OR51L1: variants seen among roughly 807,000 people sequenced by gnomAD.
The protein encoded by OR51L1 is olfactory receptor 51L1.
OR51L1 carries 1 observed loss-of-function variant against 1.4 expected under a neutral mutation model. The ratio of observed to expected loss-of-function variants is 0.72; its 90% CI spans 0.26 to 3.42. The LOEUF (loss-of-function observed/expected upper bound fraction) is 3.42. Ranked by LOEUF, OR51L1 falls within the 30% of genes most tolerant of loss-of-function variation. The pLI is 0.20. For synonymous variants in OR51L1, 156 were observed against 144.2 expected (o/e 1.08, Z -0.59); for missense variants, 378 against 380.0 (o/e 0.99, Z 0.04).
chr11:4,999,381 CT>C lies in OR51L1; in HGVS notation c.400del (p.Tyr134ThrfsTer9), dbSNP rs750340820. On this transcript the variant is annotated frameshift_variant, in exon 3 of 3. Transcript: ENST00000641819. LOFTEE classifies it low-confidence loss of function (END_TRUNC). ...RFVAICHPLH[Y>X]PTILTNSVIG... Reference sequence around the variant, plus strand: ...TTGTTGCTATCTGCCATCCACTGCACTACCCCACCATCCTCACCAACAGTGT... The same window carrying C: ...TTGTTGCTATCTGCCATCCACTGCACACCCCACCATCCTCACCAACAGTGT... 39 of 1,614,054 alleles carry C rather than the reference CT, an allele frequency of 2.4e-5. No individual in the cohort carries two copies. Among genetic ancestry groups the C allele is most frequent in the Non-Finnish European group, 3.4e-6 (4 of 1,180,042 alleles).
At position 5,003,902 on chromosome 11, in the gene OR51L1, C is replaced by T. The variant is rs1289298249; in HGVS notation, c.*3972C>T. ...TAATTAAGTCCAACTTATAAATTTG[C>T]TTTTATGTTTAGTGCTTTTGTGTAT... On this transcript the variant is annotated 3_prime_UTR_variant, in exon 3 of 3. Coordinates refer to ENST00000641819, the MANE Select transcript of OR51L1 (RefSeq NM_001004755.2). The T allele has an allele frequency of 6.6e-6, 1 of 152,014 alleles. No homozygotes were observed. The highest frequency in any genetic ancestry group is 1.9e-4 in the East Asian group (1 of 5,176). The allele number at this position is 152,014 out of a possible 1,614,324, so 9.4% of individuals were successfully genotyped here.
chr11:4,996,047 A>G (rs768484137), intron 1 of OR51L1, among the ~76,000 whole-genome samples: 4 of 152,118 alleles, frequency 2.6e-5, no homozygotes, highest in Non-Finnish European at 5.9e-5. Context: ...AGTTCATAAT[A>G]TTGTAGAATG....
chr11:4,996,354 T>C (rs1336167761), intron 1 of OR51L1, among the ~76,000 whole-genome samples: 1 of 152,114 alleles, frequency 6.6e-6, no homozygotes, highest in African/African-American at 2.4e-5. Flanking sequence ...ACCTTAAATA[T>C]ACACAGTTAA....
In OR51L1 at chr11:4,999,131, T is replaced by A; in HGVS notation, c.149T>A (p.Val50Asp). ...AFMGNVTILS[V>D]IWIESSLHQP... is the part of the protein sequence containing the mutation. ...ATGGGTAATGTTACCATCCTGTCTG[T>A]CATTTGGATAGAATCCTCTCTCCAT... Residue 50 changes from valine (V) to aspartate (D), a missense_variant, in exon 3 of 3, where the codon GTC (valine) becomes GAC (aspartate). Physicochemically the swap from Val to Asp is radical, Grantham distance 152 (BLOSUM62 -3). Coordinates refer to ENST00000641819, the MANE Select transcript of OR51L1 (RefSeq NM_001004755.2). The A allele has an allele frequency of 6.2e-7, 1 of 1,614,128 alleles. No individual in the cohort carries two copies. Among genetic ancestry groups the A allele is most frequent in the Non-Finnish European group, 8.5e-7 (1 of 1,179,968 alleles).
chr11:5,005,405 C>T lies in OR51L1; in HGVS notation c.*5475C>T, dbSNP rs779424446. 4 of 152,194 alleles carry T rather than the reference C, an allele frequency of 2.6e-5. No individual in the cohort carries two copies. Among genetic ancestry groups the T allele is most frequent in the Admixed American group, 6.5e-5 (1 of 15,270 alleles). 9.4% of individuals were successfully genotyped at this position (152,194 alleles called of 1,614,324 possible). A position where few individuals can be genotyped will look rare whatever the true frequency, so the allele number is the denominator to read the frequency against. ...ACTATTTCCCCTACTGCCCAACCTA[C>T]ATGCCTCCCCCTTCCCCCTTTTAAG... On this transcript the variant is annotated 3_prime_UTR_variant, in exon 3 of 3. Coordinates refer to ENST00000641819, the MANE Select transcript of OR51L1 (RefSeq NM_001004755.2).
At chr11:4,998,650 T>C (rs1036057435) in intron 2 of OR51L1, among the ~76,000 whole-genome samples, 174 bp from the exon 3 acceptor site, 10 of 152,158 alleles carry the variant, frequency 6.6e-5, no homozygotes, top group Admixed American at 5.9e-4. Flanking sequence ...TCTATTTTCA[T>C]CTTTATAATA....
In OR51L1 at chr11:4,999,062, C is replaced by A; in HGVS notation, c.80C>A (p.Ser27Tyr). Residue 27 changes from serine to tyrosine, a missense_variant, in exon 3 of 3, where the codon TCT (serine) becomes TAT (tyrosine). By Grantham distance (144) the Ser-to-Tyr change is moderately radical (BLOSUM62 -2). Transcript: ENST00000641819. ...TTTCCTGGACTGGAGTATGTTCATT[C>A]TTGGCTCTCCATCCTCTTCTGTCTT... ...RGFPGLEYVH[S>Y]WLSILFCLAY... The A allele has an allele frequency of 1.2e-6, 2 of 1,614,068 alleles. No individual in the cohort carries two copies. Among genetic ancestry groups the A allele is most frequent in the Non-Finnish European group, 1.7e-6 (2 of 1,179,948 alleles).
rs374338854 is a variant in OR51L1, at chr11:4,999,957, C to A, written c.*27C>A. 4.2e-4 allele frequency: 648 copies of A among 1,556,548 alleles called. 6 individuals are homozygous for A. In the South Asian group the frequency reaches 5.7e-3, roughly 14 times the overall value. ...TAACCTCTGTCCTCCAACTTTTCCACTGAAAATCTCATGGAAGCTGTTTTA... is the reference window on the plus strand; with the variant it reads ...TAACCTCTGTCCTCCAACTTTTCCAATGAAAATCTCATGGAAGCTGTTTTA... On this transcript the variant is annotated 3_prime_UTR_variant, in exon 3 of 3. Coordinates refer to ENST00000641819, the MANE Select transcript of OR51L1 (RefSeq NM_001004755.2).
In OR51L1 at chr11:5,004,241, T is replaced by TGGGGTATAGGTG. The variant is rs1847156472; in HGVS notation, c.*4312_*4323dup. On this transcript the variant is annotated 3_prime_UTR_variant, in exon 3 of 3. Transcript: ENST00000641819. ...GCATGTGTTTAGAAAGACACTTCTG[T>TGGGGTATAGGTG]GGGGTATAGGTGAACCAAGGCTGAG... The TGGGGTATAGGTG allele has an allele frequency of 6.6e-6, 1 of 152,118 alleles. No individual in the cohort carries two copies. Among genetic ancestry groups the TGGGGTATAGGTG allele is most frequent in the Non-Finnish European group, 1.5e-5 (1 of 68,016 alleles). The allele number at this position is 152,118 out of a possible 1,614,324, so 9.4% of individuals were successfully genotyped here.
rs1312210931 is a variant in OR51L1, at chr11:4,996,747, T to TTC, written c.-261-733_-261-732dup. ...TTTCTTTCTTTCTTTCTTTCTTTCT[T>TTC]TCTTTCTTTCTTTCTTTCTTTCATT... On this transcript the variant is annotated intron_variant, in intron 1 of 2. Coordinates refer to ENST00000641819, the MANE Select transcript of OR51L1 (RefSeq NM_001004755.2). Among the ~76,000 whole-genome samples the TTC allele has an allele frequency of 2.7e-4, 40 of 150,720 alleles. 1 individual carries two copies. In the East Asian group the frequency reaches 6.2e-3, roughly 24 times the overall value.
chr11:4,998,757 T>C (rs113186663), intron 2 of OR51L1, 67 bp from the exon 3 acceptor site: 313 of 502,336 alleles, frequency 6.2e-4, no homozygotes, highest in African/African-American at 4.2e-3. Context: ...GATGACCATA[T>C]TTGTGTAGTC....
chr11:4,997,968 T>C (rs1034416630), intron 2 of OR51L1, among the ~76,000 whole-genome samples: 4 of 152,092 alleles, frequency 2.6e-5, no homozygotes, highest in African/African-American at 9.7e-5. Context: ...AAAATGATAT[T>C]AAAAGCATCG....
In OR51L1 at chr11:4,999,225, C is replaced by A; in HGVS notation, c.243C>A (p.Pro81=). 1 of 1,614,174 alleles carries A rather than the reference C, an allele frequency of 6.2e-7. No homozygotes were observed. Among genetic ancestry groups the A allele is most frequent in the Middle Eastern group, 1.7e-4 (1 of 6,060 alleles). ...NDLGMSLSTL[P]TMLAVLWLDA... ...TGGGGATGTCCCTGTCTACACTTCC[C>A]ACCATGCTTGCTGTGTTATGGTTGG... is the stretch of plus-strand genomic sequence containing the variant. The change falls in exon 3 of 3, where the codon CCC becomes CCA. Residue 81 remains proline (P), a synonymous_variant. Transcript: ENST00000641819.
At position 4,998,868 on chromosome 11, in the gene OR51L1, A is replaced by C; in HGVS notation, c.-115A>C. On this transcript the variant is annotated 5_prime_UTR_variant, in exon 3 of 3. Transcript: ENST00000641819. ...CTTCCTTCCTCTGTGAGGTTAGACG[A>C]AAGATGTATTTTTGTCCTCATTCCA... is the stretch of plus-strand genomic sequence containing the variant. 1 of 1,167,424 alleles carries C rather than the reference A, an allele frequency of 8.6e-7. No individual in the cohort carries two copies. Among genetic ancestry groups the C allele is most frequent in the Non-Finnish European group, 1.2e-6 (1 of 822,870 alleles). 72.3% of individuals were successfully genotyped at this position (1,167,424 alleles called of 1,614,324 possible). A position where few individuals can be genotyped will look rare whatever the true frequency, so the allele number is the denominator to read the frequency against.
chr11:4,996,390 A>G (rs1039475939), intron 1 of OR51L1, among the ~76,000 whole-genome samples: 4 of 152,120 alleles, frequency 2.6e-5, no homozygotes, highest in Non-Finnish European at 5.9e-5. Context: ...ACAAACAGAA[A>G]TATTCCTGCC....
At position 4,998,828 on chromosome 11, in the gene OR51L1, G is replaced by A. The variant is rs550594946; in HGVS notation, c.-155G>A. ...TGGGAAATGTTTTTTACATAGGGCC[G>A]ACAAGAGATACCAGCTTCCTTCCTC... On this transcript the variant is annotated 5_prime_UTR_variant, in exon 3 of 3. Transcript: ENST00000641819. The A allele has an allele frequency of 6.7e-5, 53 of 788,460 alleles. No individual in the cohort carries two copies. The Admixed American group carries it at 7.3e-4, about 11-fold the overall frequency. The allele number at this position is 788,460 out of a possible 1,614,324, so 48.8% of individuals were successfully genotyped here. A position where few individuals can be genotyped will look rare whatever the true frequency, so the allele number is the denominator to read the frequency against.
intron 1 of OR51L1, among the ~76,000 whole-genome samples, chr11:4,996,716 TTTTCTTTTCTTTC>T (rs1847073638): frequency 5.1e-5 from 6 of 116,788 alleles, no homozygotes; most frequent in African/African-American, 1.7e-4. Flanking sequence ...CCTTCCTTTC[TTTTCTTTTCTTTC>T]TTTCTTTCTT....
At position 5,004,556 on chromosome 11, in the gene OR51L1, C is replaced by T. The variant is rs1242784244; in HGVS notation, c.*4626C>T. On this transcript the variant is annotated 3_prime_UTR_variant, in exon 3 of 3. Coordinates refer to ENST00000641819, the MANE Select transcript of OR51L1 (RefSeq NM_001004755.2). ...GTATTACTAAATATTTCTCATTACA[C>T]GCCTCTGGTAGAAGAGAGAGAATAA... 1.3e-5 allele frequency: 2 copies of T among 152,014 alleles called. No individual in the cohort carries two copies. The highest frequency in any genetic ancestry group is 4.8e-5 in the African/African-American group (2 of 41,390). 9.4% of individuals were successfully genotyped at this position (152,014 alleles called of 1,614,324 possible).
In OR51L1 at chr11:4,999,699, A is replaced by C. The variant is rs764626016; in HGVS notation, c.717A>C (p.Ala239=). Residue 239 remains alanine (A), a synonymous_variant, in exon 3 of 3, where the codon GCA becomes GCC. Coordinates refer to ENST00000641819, the MANE Select transcript of OR51L1 (RefSeq NM_001004755.2). ...CATCTCGTGAAGAGCAGCTAAAGGCACTCAACACATGTGTATCCCATATCT... is the reference window on the plus strand; with the variant it reads ...CATCTCGTGAAGAGCAGCTAAAGGCCCTCAACACATGTGTATCCCATATCT... ...DIASREEQLK[A]LNTCVSHICV... is the part of the protein sequence containing the mutation. 6.2e-7 allele frequency: 1 copy of C among 1,613,970 alleles called. No individual in the cohort carries two copies. Among genetic ancestry groups the C allele is most frequent in the Non-Finnish European group, 8.5e-7 (1 of 1,179,982 alleles).
Sources: allele counts gnomAD v4.1 joint callset (sites outside exome capture counted in the v4.1 genomes callset), GRCh38; gene constraint gnomAD v4.1.1; transcripts MANE v1.5; gene names NCBI Gene and HGNC (gene_info 2026-07-23, HGNC 2026-07-21).